GRHL2: variants seen among roughly 807,000 people sequenced by gnomAD.
GRHL2 encodes grainyhead like transcription factor 2.
GRHL2 carries 21 observed loss-of-function variants against 83.8 expected under a neutral mutation model. That is an observed-to-expected ratio of 0.25 (90% CI 0.18 to 0.36). The LOEUF (loss-of-function observed/expected upper bound fraction) is 0.36, where lower values mean the gene tolerates loss of function less well. GRHL2 is among the 10% of genes least tolerant of loss of function. The pLI, the probability that GRHL2 is intolerant of heterozygous loss-of-function variation, is 1.00. For missense variants in GRHL2, 623 were observed against 781.8 expected, an observed-to-expected ratio of 0.80 and a Z score of 2.42; for synonymous variants, 280 against 278.9, an observed-to-expected ratio of 1.00 and a Z score of -0.04.
At chr8:101,574,500 C>T (rs1811893518) in intron 6 of GRHL2, among the ~76,000 whole-genome samples, 1 of 152,250 alleles carries the variant, frequency 6.6e-6, no homozygotes, top group Admixed American at 6.5e-5. Context: ...GGTGGAAGGA[C>T]TTTCCTGATC....
At chr8:101,604,920 G>A (rs528649826) in intron 8 of GRHL2, among the ~76,000 whole-genome samples, 1 of 152,294 alleles carries the variant, frequency 6.6e-6, no homozygotes, top group Non-Finnish European at 1.5e-5. Context: ...CAGTGCCTCT[G>A]CTTTCAGAAG....
chr8:101,630,182 G>T lies in GRHL2; in HGVS notation c.1258-1455G>T, dbSNP rs187466339. ...CCAAAAATTAGTTTAAAAGCCATAA[G>T]GCATCTCTTTTGTGAAGCCTTCATT... On this transcript the variant is annotated intron_variant, in intron 9 of 15. Transcript: ENST00000646743. Among the ~76,000 whole-genome samples the T allele has an allele frequency of 2.9e-3, 442 of 152,258 alleles. 3 individuals carry two copies. The highest frequency in any genetic ancestry group is 0.01 in the African/African-American group (422 of 41,558).
At chr8:101,582,976 T>A (rs139181511) in intron 7 of GRHL2, among the ~76,000 whole-genome samples, 148 of 152,314 alleles carry the variant, frequency 9.7e-4, no homozygotes, top group Middle Eastern at 3.4e-3. Context: ...GAGAGGGTAA[T>A]AATAGAAATT....
rs1285229771 is a variant in GRHL2, at chr8:101,559,351, T to TGCAAAAAAAAAA, written c.678+539_678+540insGCAAAAAAAAAA. Reference sequence around the variant, plus strand: ...GGTGAACTCCTGTCTCTACTAAAAATACAAAAAAAAAAAAAAAAAAAAAAA... The same window carrying TGCAAAAAAAAAA: ...GGTGAACTCCTGTCTCTACTAAAAATGCAAAAAAAAAAACAAAAAAAAAAAAAAAAAAAAAAA... On this transcript the variant is annotated intron_variant, in intron 4 of 15. Transcript: ENST00000646743. Among the ~76,000 whole-genome samples, 105 of 19,188 alleles carry TGCAAAAAAAAAA rather than the reference T, an allele frequency of 5.5e-3. 4 individuals are homozygous for TGCAAAAAAAAAA. The highest frequency in any genetic ancestry group is 0.019 in the East Asian group (12 of 616). 12.6% of individuals were successfully genotyped at this position (19,188 alleles called of 152,430 possible).
At chr8:101,494,484 G>A (rs1467886514) in intron 1 of GRHL2, among the ~76,000 whole-genome samples, 1 of 152,106 alleles carries the variant, frequency 6.6e-6, no homozygotes, top group Non-Finnish European at 1.5e-5. Context: ...GTGGTTGTCT[G>A]AGAACACCCC....
downstream of GRHL2, among the ~76,000 whole-genome samples, chr8:101,672,150 T>C (rs1321213932): frequency 6.6e-6 from 1 of 151,676 alleles, no homozygotes; most frequent in African/African-American, 2.4e-5. Context: ...AGAGCACCTC[T>C]CCTCCTCCAA....
intron 1 of GRHL2, among the ~76,000 whole-genome samples, chr8:101,508,405 A>G (rs1221214610): frequency 2.1e-5 from 1 of 48,746 alleles, no homozygotes. Flanking sequence ...TTTTTTTTTC[A>G]TCACGGGAGA....
chr8:101,555,102 A>T (rs1362067334), intron 3 of GRHL2, among the ~76,000 whole-genome samples: 2 of 152,246 alleles, frequency 1.3e-5, no homozygotes, highest in Admixed American at 6.5e-5. Flanking sequence ...TATGTTTTGC[A>T]TGAATTAAAG....
intron 14 of GRHL2, among the ~76,000 whole-genome samples, chr8:101,657,349 A>G (rs79222330): frequency 0.022 from 3,368 of 152,284 alleles, 130 homozygotes; most frequent in African/African-American, 0.075. Flanking sequence ...GTTTTTGGGC[A>G]AAGAGAACTT....
rs186948331 is a variant in GRHL2 at position 101,546,015 on chromosome 8, G to A, written c.216+2579G>A. On this transcript the variant is annotated intron_variant, in intron 2 of 15. Transcript: ENST00000646743. Reference sequence around the variant, plus strand: ...TCCTGCCTCAGCCTCCCAAGTAGCTGGGATTACAGGCACACTCTACCATGA... The same window carrying A: ...TCCTGCCTCAGCCTCCCAAGTAGCTAGGATTACAGGCACACTCTACCATGA... 1.8e-3 allele frequency among the ~76,000 whole-genome samples: 274 copies of A among 150,918 alleles called. 1 individual carries two copies. Among genetic ancestry groups the A allele is most frequent in the African/African-American group, 6.3e-3 (259 of 41,092 alleles).
intron 1 of GRHL2, among the ~76,000 whole-genome samples, chr8:101,507,271 A>T (rs1193769182): frequency 6.6e-6 from 1 of 152,186 alleles, no homozygotes; most frequent in East Asian, 1.9e-4. Context: ...TTAAATTTTT[A>T]AATGTCAAAT....
At chr8:101,648,859 C>T (rs1813564764) in intron 13 of GRHL2, among the ~76,000 whole-genome samples, 1 of 152,224 alleles carries the variant, frequency 6.6e-6, no homozygotes, top group Non-Finnish European at 1.5e-5. Flanking sequence ...GAACTTCCCC[C>T]AACCCCTCCA....
At chr8:101,495,820 C>G (rs1810089624) in intron 1 of GRHL2, among the ~76,000 whole-genome samples, 1 of 152,032 alleles carries the variant, frequency 6.6e-6, no homozygotes, top group African/African-American at 2.4e-5. Flanking sequence ...TTAATAGTCA[C>G]AAAAAATACA....
At chr8:101,586,068 T>C (rs1385403577) in intron 7 of GRHL2, among the ~76,000 whole-genome samples, 1 of 109,716 alleles carries the variant, frequency 9.1e-6, no homozygotes, top group African/African-American at 3.9e-5. Context: ...CATGTTTCTT[T>C]TTTTTTTTTT....
chr8:101,527,285 ATATCAGGAGTTAACCAT>A (rs1451079210), intron 1 of GRHL2, among the ~76,000 whole-genome samples: 1 of 152,216 alleles, frequency 6.6e-6, no homozygotes, highest in Non-Finnish European at 1.5e-5. Context: ...TTTTCTATCA[ATATCAGGAGTTAACCAT>A]TATGTATTAC....
At chr8:101,493,186 C>G (rs960181805) in intron 1 of GRHL2, among the ~76,000 whole-genome samples, 14 of 152,208 alleles carry the variant, frequency 9.2e-5, no homozygotes, top group Admixed American at 9.2e-4. Context: ...TTTGGAAGTT[C>G]AGCTGAGTTC....
At chr8:101,677,227 A>AATAATAATAATAATAATAAT in the GRHL2 span, among the ~76,000 whole-genome samples, 12 of 128,216 alleles carry the variant, frequency 9.4e-5, no homozygotes, top group African/African-American at 3.6e-4. Context: ...ATAATAATAA[A>AATAATAATAATAATAATAAT]AATAAAGAAA....
chr8:101,599,261 C>G, intron 8 of GRHL2, 110 bp downstream of exon 8: 1 of 782,154 alleles, frequency 1.3e-6, no homozygotes, highest in South Asian at 1.5e-5. Flanking sequence ...AGAAATGAAC[C>G]TTTCATCTTT....
At chr8:101,515,660 AT>A (rs1810559037) in intron 1 of GRHL2, among the ~76,000 whole-genome samples, 1 of 152,058 alleles carries the variant, frequency 6.6e-6, no homozygotes, top group Non-Finnish European at 1.5e-5. Context: ...GATTTCCAGG[AT>A]CAAGGAGATA....
Sources: gnomAD v4.1 joint callset for allele counts (sites outside exome capture counted in the v4.1 genomes callset) on GRCh38, gnomAD v4.1.1 for gene constraint, MANE v1.5 for transcripts, NCBI Gene and HGNC (gene_info 2026-07-23, HGNC 2026-07-21) for gene names.